Variants in CDX4 observed in about 807,000 individuals in gnomAD.
The protein encoded by CDX4 is homeobox protein CDX-4.
In CDX4, 11 loss-of-function variants were observed where a neutral mutation model predicts 14.1. The ratio of observed to expected loss-of-function variants is 0.78; its 90% CI spans 0.49 to 1.29. The LOEUF (loss-of-function observed/expected upper bound fraction) is 1.29. CDX4 is among the 50% of genes most tolerant of loss of function. The pLI is 0.00. For missense variants in CDX4, 257 were observed against 237.4 expected, an observed-to-expected ratio of 1.08 and a Z score of -0.54; for synonymous variants, 100 against 93.5, an observed-to-expected ratio of 1.07 and a Z score of -0.40.
chrX:73,452,350 A>C (rs1315320572), intron 1 of CDX4, among the ~76,000 whole-genome samples: 2 of 110,103 alleles, frequency 1.8e-5, no homozygotes, highest in East Asian at 2.8e-4. Flanking sequence ...GATCGCCCCC[A>C]AAAAATCACA....
At chrX:73,453,807 C>T in intron 2 of CDX4, 145 bp downstream of exon 2, 2 of 433,243 alleles carry the variant, frequency 4.6e-6, no homozygotes, top group Non-Finnish European at 7.9e-6. Context: ...ATATCGCTCT[C>T]TTCTATCTCC....
Position 73,447,524 on chromosome X carries a change from A to G in CDX4, c.271A>G (p.Ser91Gly), listed in dbSNP as rs755944689. 3.3e-6 allele frequency: 4 copies of G among 1,211,543 alleles called. No individual in the cohort carries two copies. The highest frequency in any genetic ancestry group is 4.5e-6 in the Non-Finnish European group (4 of 895,294). ...CTGGAGCGTGTATCCTGGGCCGTCT[A>G]GTACAATGGGCACAGTGCCGGTGAA... is the stretch of plus-strand genomic sequence containing the variant. Reference protein sequence around the residue: ...EDWSVYPGPSSTMGTVPVNDV... With the variant: ...EDWSVYPGPSGTMGTVPVNDV... Residue 91 changes from serine to glycine, a missense_variant, in exon 1 of 3, where the codon AGT becomes GGT. By Grantham distance (56) the Ser-to-Gly change is moderately conservative (BLOSUM62 0). Transcript: ENST00000373514.
At chrX:73,452,284 A>G (rs926610945) in intron 1 of CDX4, among the ~76,000 whole-genome samples, 1 of 109,722 alleles carries the variant, frequency 9.1e-6, no homozygotes, top group African/African-American at 3.3e-5. Flanking sequence ...CCTGTGCTGT[A>G]TCTTAACACC....
rs2057101985 is a variant in CDX4, at chrX:73,454,849, G to A, written c.*264G>A. On this transcript the variant is annotated 3_prime_UTR_variant, in exon 3 of 3. Coordinates refer to ENST00000373514, the MANE Select transcript of CDX4 (RefSeq NM_005193.2). ...ATATAATTAAAAGCTAGAATCACAG[G>A]CCCTTCCAACTCTGTTCACAATTTC... 1 of 301,177 alleles carries A rather than the reference G, an allele frequency of 3.3e-6. No homozygotes were observed. Among genetic ancestry groups the A allele is most frequent in the Non-Finnish European group, 5.8e-6 (1 of 173,775 alleles). 24.8% of individuals were successfully genotyped at this position (301,177 alleles called of 1,213,427 possible). A position where few individuals can be genotyped will look rare whatever the true frequency, so the allele number is the denominator to read the frequency against.
rs770253641 is a variant in CDX4, at chrX:73,447,681, C to T, written c.428C>T (p.Ala143Val). ...TCGCTTGTCCCGACGGACGCAGGCG[C>T]CGCCAAGGCCAGTTCCCCCAGCAGG... ...GGSLVPTDAG[A>V]AKASSPSRSR... The change falls in exon 1 of 3, where the codon GCC becomes GTC. Residue 143 changes from alanine (A) to valine (V), a missense_variant. Ala to Val is a moderately conservative substitution (Grantham distance 64, BLOSUM62 0). Coordinates refer to ENST00000373514, the MANE Select transcript of CDX4 (RefSeq NM_005193.2). 3 of 1,204,547 alleles carry T rather than the reference C, an allele frequency of 2.5e-6. No homozygotes were observed. The African/African-American group carries it at 5.2e-5, about 21-fold the overall frequency.
intron 1 of CDX4, among the ~76,000 whole-genome samples, chrX:73,451,821 A>G (rs1437168068): frequency 8.9e-6 from 1 of 112,254 alleles, no homozygotes; most frequent in African/African-American, 3.2e-5. Flanking sequence ...TCAAAGATAC[A>G]TTTCGATCTC....
intron 1 of CDX4, 21 bp from the exon 2 acceptor site, chrX:73,453,496 C>T: frequency 8.5e-7 from 1 of 1,176,335 alleles, no homozygotes; most frequent in Non-Finnish European, 1.1e-6. Flanking sequence ...AGATTAAATG[C>T]AATGCTTTCT....
At chrX:73,453,293 T>C (rs1022185051) in intron 1 of CDX4, among the ~76,000 whole-genome samples, 1 of 111,630 alleles carries the variant, frequency 9.0e-6, no homozygotes, top group African/African-American at 3.2e-5. Flanking sequence ...TATAGAGATA[T>C]ATGTCTATGT....
Position 73,447,362 on chromosome X carries a change from A to G in CDX4, c.109A>G (p.Ser37Gly), listed in dbSNP as rs773507655. 8.3e-7 allele frequency: 1 copy of G among 1,210,848 alleles called. No individual in the cohort carries two copies. The highest frequency in any genetic ancestry group is 1.8e-5 in the South Asian group (1 of 56,874). ...GACAGGCGGCACAGGGGGCGGTGGG[A>G]GTCCGATGCCAGCCTCCAATTTCGC... ...AGTGGTGGGG[S>G]PMPASNFAAA... Residue 37 changes from serine to glycine, a missense_variant, in exon 1 of 3, where the codon AGT becomes GGT. Ser to Gly is a moderately conservative substitution (Grantham distance 56). Transcript: ENST00000373514.
At chrX:73,447,891 G>C in intron 1 of CDX4, 136 bp downstream of exon 1, 1 of 688,223 alleles carries the variant, frequency 1.5e-6, no homozygotes, top group Non-Finnish European at 2.1e-6. Flanking sequence ...ATGGCTGGCT[G>C]GCCTATTAGG....
intron 1 of CDX4, among the ~76,000 whole-genome samples, chrX:73,451,647 G>A (rs2057087035): frequency 9.0e-6 from 1 of 111,316 alleles, no homozygotes; most frequent in African/African-American, 3.3e-5. Context: ...GGTGGGGAAG[G>A]ACTACAACAT....
Position 73,454,330 on chromosome X carries a change from G to A in CDX4, c.649-49G>A, listed in dbSNP as rs368679567. 16 of 899,073 alleles carry A rather than the reference G, an allele frequency of 1.8e-5. No homozygotes were observed. The African/African-American group carries it at 2.8e-4, about 15-fold the overall frequency. The allele number at this position is 899,073 out of a possible 1,213,427, so 74.1% of individuals were successfully genotyped here. Reference sequence around the variant, plus strand: ...ATGCTAAAGTCTCTGTACAATATCAGAAATCACTAAGTTAACTGCATTCAG... The same window carrying A: ...ATGCTAAAGTCTCTGTACAATATCAAAAATCACTAAGTTAACTGCATTCAG... On this transcript the variant is annotated intron_variant, in intron 2 of 2. Coordinates refer to ENST00000373514, the MANE Select transcript of CDX4 (RefSeq NM_005193.2).
chrX:73,447,322 C>CGACGGCACAGCTGGGACA lies in CDX4; in HGVS notation c.71_88dup (p.Asp24_Thr29dup), dbSNP rs2057073205. Reference sequence around the variant, plus strand: ...CGGGCACTCTCATGAGCCCTGGGGGCGACGGCACAGCTGGGACAGGCGGCA... The same window carrying CGACGGCACAGCTGGGACA: ...CGGGCACTCTCATGAGCCCTGGGGGCGACGGCACAGCTGGGACAGACGGCACAGCTGGGACAGGCGGCA... On this transcript the variant is annotated inframe_insertion, in exon 1 of 3. Transcript: ENST00000373514. 7 of 1,210,673 alleles carry CGACGGCACAGCTGGGACA rather than the reference C, an allele frequency of 5.8e-6. No individual in the cohort carries two copies. The highest frequency in any genetic ancestry group is 6.7e-6 in the Non-Finnish European group (6 of 894,876).
Position 73,447,499 on chromosome X carries a change from CTG to C in CDX4, c.247_248del (p.Trp83GlufsTer8), listed in dbSNP as rs1157181555. 8.3e-7 allele frequency: 1 copy of C among 1,212,089 alleles called. No individual in the cohort carries two copies. The highest frequency in any genetic ancestry group is 1.8e-5 in the South Asian group (1 of 56,989). ...GSPYSPPREDWSVYPGPSSTM... is the reference protein window; with the variant it reads ...GSPYSPPREDXSVYPGPSSTM... ...CACCCTACAGTCCCCCGCGAGAAGA[CTG>C]GAGCGTGTATCCTGGGCCGTCTAGT... On this transcript the variant is annotated frameshift_variant, in exon 1 of 3. Transcript: ENST00000373514. LOFTEE classifies it high-confidence loss of function.
At chrX:73,449,298 T>A (rs1220355929) in intron 1 of CDX4, among the ~76,000 whole-genome samples, 2 of 112,100 alleles carry the variant, frequency 1.8e-5, no homozygotes, top group Non-Finnish European at 3.8e-5. Flanking sequence ...GCGTGCTGTT[T>A]GCAATAGAGA....
At position 73,453,515 on chromosome X, in the gene CDX4, A is replaced by C. The variant is rs1477867758; in HGVS notation, c.503-2A>C. The C allele has an allele frequency of 8.4e-7, 1 of 1,195,359 alleles. No homozygotes were observed. The highest frequency in any genetic ancestry group is 1.1e-6 in the Non-Finnish European group (1 of 886,972). On this transcript the variant is annotated splice_acceptor_variant, in intron 1 of 2. Coordinates refer to ENST00000373514, the MANE Select transcript of CDX4 (RefSeq NM_005193.2). LOFTEE classifies it high-confidence loss of function. ...TAAATGCAATGCTTTCTCTCCTAAC[A>C]GGGAAAACCAGGACAAAAGAAAAGT... is the stretch of plus-strand genomic sequence containing the variant.
In CDX4 at chrX:73,453,560, T is replaced by G; in HGVS notation, c.546T>G (p.Asp182Glu). ...AAAAGTATCGTGTAGTTTACACTGA[T>G]CATCAAAGATTGGAGCTGGAAAAGG... The part of the protein sequence containing the change: ...TKEKYRVVYT[D>E]HQRLELEKEF... The change falls in exon 2 of 3, where the codon GAT (aspartate) becomes GAG (glutamate). Residue 182 changes from aspartate (D) to glutamate (E), a missense_variant. Asp to Glu is a conservative substitution (Grantham distance 45). Transcript: ENST00000373514. 5.0e-6 allele frequency: 6 copies of G among 1,203,635 alleles called. No homozygotes were observed. The highest frequency in any genetic ancestry group is 6.7e-6 in the Non-Finnish European group (6 of 889,358).
At chrX:73,450,444 G>C (rs1469094039) in intron 1 of CDX4, among the ~76,000 whole-genome samples, 4 of 111,815 alleles carry the variant, frequency 3.6e-5, no homozygotes, top group Admixed American at 1.9e-4. Flanking sequence ...TTAAACATTG[G>C]CAAGGTGATA....
intron 1 of CDX4, among the ~76,000 whole-genome samples, chrX:73,448,809 C>T (rs1673299972): frequency 8.9e-6 from 1 of 112,260 alleles, no homozygotes; most frequent in Non-Finnish European, 1.9e-5. Context: ...AAAATCGACT[C>T]TGAGTATTTT....
Sources: allele counts gnomAD v4.1 joint callset (sites outside exome capture counted in the v4.1 genomes callset), GRCh38; gene constraint gnomAD v4.1.1; transcripts MANE v1.5; gene names NCBI Gene and HGNC (gene_info 2026-07-23, HGNC 2026-07-21).